The following RC3H1 variants were observed in gnomAD, a reference collection of about 807,000 sequenced individuals.
RC3H1 encodes the protein ring finger and CCCH-type domains 1, also known as roquin-1.
Under a neutral mutation model 138.2 loss-of-function variants are expected in RC3H1, and 50 were observed. That is an observed-to-expected ratio of 0.36 (90% CI 0.29 to 0.46). The LOEUF (loss-of-function observed/expected upper bound fraction) is 0.46, where lower values mean the gene tolerates loss of function less well. Ranked by LOEUF, RC3H1 falls within the 20% of genes least tolerant of loss-of-function variation. The probability of loss-of-function intolerance (pLI) is 1.00; values close to 1 mark genes in which losing one functional copy is unlikely to be tolerated. For synonymous variants in RC3H1, 462 were observed against 489.1 expected (o/e 0.94, Z 0.73); for missense variants, 1,031 against 1,388.1 (o/e 0.74, Z 4.09).
chr1:173,989,989 G>A (rs569846915), intron 2 of RC3H1, among the ~76,000 whole-genome samples: 24 of 150,706 alleles, frequency 1.6e-4, no homozygotes, highest in African/African-American at 5.1e-4. Flanking sequence ...GCCTCCCAAA[G>A]TGCTGGGATT....
intron 13 of RC3H1, among the ~76,000 whole-genome samples, chr1:173,956,474 A>G (rs1388606348): frequency 6.6e-6 from 1 of 152,060 alleles, no homozygotes; most frequent in African/African-American, 2.4e-5. Context: ...AGCCTGATCA[A>G]CATGGAGAAA....
Position 173,938,651 on chromosome 1 carries a change from A to G in RC3H1, c.*70T>C. 8.5e-7 allele frequency: 1 copy of G among 1,174,156 alleles called. No individual in the cohort carries two copies. 72.7% of individuals were successfully genotyped at this position (1,174,156 alleles called of 1,614,324 possible). A position where few individuals can be genotyped will look rare whatever the true frequency, so the allele number is the denominator to read the frequency against. ...TCTTAAGAGAAAAAGTTTAGAAGTT[A>G]TGCGTTCTCCTACCCCTATGCCCGA... is the stretch of plus-strand genomic sequence containing the variant. On this transcript the variant is annotated 3_prime_UTR_variant, in exon 20 of 20. Transcript: ENST00000367696.
At position 173,946,540 on chromosome 1, in the gene RC3H1, A is replaced by G; in HGVS notation, c.2897T>C (p.Leu966Pro). Residue 966 changes from leucine to proline, a missense_variant, in exon 17 of 20, where the codon CTA becomes CCA. Leu to Pro is a moderately conservative substitution (Grantham distance 98). Coordinates refer to ENST00000367696, the MANE Select transcript of RC3H1 (RefSeq NM_172071.4). ...KPLPSAEREQ[L>P]RLELQQLNHQ... ...GTTCAATTGCTGCAATTCTAGTCGT[A>G]GCTGTTCTCTCTCAGCAGATGGAAG... 6.2e-7 allele frequency: 1 copy of G among 1,614,114 alleles called. No individual in the cohort carries two copies. Among genetic ancestry groups the G allele is most frequent in the Non-Finnish European group, 8.5e-7 (1 of 1,179,978 alleles).
intron 13 of RC3H1, among the ~76,000 whole-genome samples, chr1:173,957,868 T>G (rs1659714245): frequency 6.6e-6 from 1 of 152,318 alleles, no homozygotes; most frequent in African/African-American, 2.4e-5. Flanking sequence ...TGGCTGTTTT[T>G]ACTTTACAAA....
At chr1:174,008,574 C>T (rs537069661) in intron 1 of RC3H1, among the ~76,000 whole-genome samples, 2 of 152,242 alleles carry the variant, frequency 1.3e-5, no homozygotes, top group African/African-American at 2.4e-5. Context: ...GAAAAAATTG[C>T]TACATGAACT....
At chr1:173,980,348 G>T (rs1223821272) in intron 6 of RC3H1, among the ~76,000 whole-genome samples, 2 of 150,550 alleles carry the variant, frequency 1.3e-5, no homozygotes, top group Non-Finnish European at 2.9e-5. Flanking sequence ...ATCCACTTCT[G>T]TCATTTATTA....
At chr1:173,966,595 G>A (rs1409479014) in intron 9 of RC3H1, among the ~76,000 whole-genome samples, 1 of 151,926 alleles carries the variant, frequency 6.6e-6, no homozygotes, top group Non-Finnish European at 1.5e-5. Context: ...GGCACCTGTA[G>A]TCCCAGCTAC....
At chr1:174,012,099 T>C (rs776671603) in intron 1 of RC3H1, among the ~76,000 whole-genome samples, 21 of 149,276 alleles carry the variant, frequency 1.4e-4, no homozygotes, top group Non-Finnish European at 2.4e-4. Context: ...TAGTCCCAGC[T>C]ACCAGGTGGG....
intron 1 of RC3H1, among the ~76,000 whole-genome samples, chr1:174,010,751 C>A (rs1246569958): frequency 6.6e-6 from 1 of 152,084 alleles, no homozygotes; most frequent in Non-Finnish European, 1.5e-5. Flanking sequence ...CTTCCTCTAC[C>A]TTCCTCACAG....
chr1:173,976,000 A>AACAGATAT (rs1206596560), intron 7 of RC3H1, among the ~76,000 whole-genome samples: 5 of 151,758 alleles, frequency 3.3e-5, no homozygotes, highest in Non-Finnish European at 5.9e-5. Context: ...TTATCTAGGA[A>AACAGATAT]ACAGATATAG....
chr1:173,973,111 C>A (rs926820812), intron 7 of RC3H1, among the ~76,000 whole-genome samples: 3 of 152,194 alleles, frequency 2.0e-5, no homozygotes, highest in African/African-American at 7.2e-5. Context: ...ATATTGGCAT[C>A]TAAGAAATTT....
intron 2 of RC3H1, among the ~76,000 whole-genome samples, chr1:173,985,602 TTAAC>T (rs544838733): frequency 2.1e-3 from 322 of 152,274 alleles, no homozygotes; most frequent in Non-Finnish European, 3.1e-3. Flanking sequence ...ATCAGGTTAA[TTAAC>T]AAATCCATCA....
At chr1:173,946,448 G>A (rs996056960) in intron 17 of RC3H1, 28 bp downstream of exon 17, 5 of 1,588,512 alleles carry the variant, frequency 3.1e-6, no homozygotes, top group Middle Eastern at 3.4e-4. Flanking sequence ...TTCAAAAATT[G>A]GAATAAAATG....
intron 14 of RC3H1, among the ~76,000 whole-genome samples, chr1:173,947,797 T>C (rs74800894): frequency 0.014 from 2,064 of 152,176 alleles, 56 homozygotes; most frequent in African/African-American, 0.048. Flanking sequence ...GGCTGGAACG[T>C]AGGGGCACTC....
chr1:173,983,746 T>C (rs1316614993), intron 3 of RC3H1, 89 bp from the exon 4 acceptor site: 3 of 1,347,844 alleles, frequency 2.2e-6, no homozygotes, highest in East Asian at 2.3e-5. Flanking sequence ...CTTGTGGGTA[T>C]GTGACTAGTT....
intron 9 of RC3H1, among the ~76,000 whole-genome samples, chr1:173,967,686 A>G (rs756771081): frequency 1.9e-4 from 29 of 152,348 alleles, no homozygotes; most frequent in Admixed American, 9.1e-4. Flanking sequence ...ACAGACTTGT[A>G]AGAGCTCATT....
intron 13 of RC3H1, among the ~76,000 whole-genome samples, chr1:173,954,328 A>C (rs1659543640): frequency 6.6e-6 from 1 of 152,250 alleles, no homozygotes; most frequent in Non-Finnish European, 1.5e-5. Flanking sequence ...AGGCACAGAA[A>C]GACAAATATT....
chr1:173,989,719 T>G (rs1055643720), intron 2 of RC3H1, among the ~76,000 whole-genome samples: 16 of 135,932 alleles, frequency 1.2e-4, no homozygotes, highest in African/African-American at 3.3e-4. Flanking sequence ...AGTTTTTTTT[T>G]TTTTTTTTTT....
intron 1 of RC3H1, among the ~76,000 whole-genome samples, chr1:174,015,368 CTT>C (rs113565337): frequency 5.6e-5 from 8 of 142,704 alleles, no homozygotes; most frequent in Non-Finnish European, 7.7e-5. Flanking sequence ...TTCCACTACA[CTT>C]TTTTTTTTTT....
Sources: allele counts gnomAD v4.1 joint callset (sites outside exome capture counted in the v4.1 genomes callset), GRCh38; gene constraint gnomAD v4.1.1; transcripts MANE v1.5; gene names NCBI Gene and HGNC (gene_info 2026-07-23, HGNC 2026-07-21).